The following C8orf48 variants were observed in gnomAD, a reference collection of about 807,000 sequenced individuals.
C8orf48 encodes uncharacterized protein C8orf48.
For missense variants in C8orf48, 580 were observed against 363.3 expected, an observed-to-expected ratio of 1.60 and a Z score of -4.85; for synonymous variants, 188 against 138.2, an observed-to-expected ratio of 1.36 and a Z score of -2.53.
At position 13,567,928 on chromosome 8, in the gene C8orf48, G is replaced by C. The variant is rs185450144; in HGVS notation, c.937G>C (p.Val313Leu). ...ACTTACTCTAATCAAACCAGAGCTG[G>C]TGATTGTTAATGATAATGTGTAATG... is the stretch of plus-strand genomic sequence containing the variant. ...KRLTLIKPEL[V>L]IVNDNV is the part of the protein sequence containing the mutation. The change falls in exon 1 of 1, where the codon GTG becomes CTG. Residue 313 changes from valine to leucine, a missense_variant. Transcript: ENST00000297324. 6.6e-5 allele frequency: 102 copies of C among 1,549,348 alleles called. No individual in the cohort carries two copies. The highest frequency in any genetic ancestry group is 8.7e-5 in the Non-Finnish European group (100 of 1,145,948).
Position 13,567,317 on chromosome 8 carries a change from C to A in C8orf48, c.326C>A (p.Thr109Lys). The change falls in exon 1 of 1, where the codon ACA (threonine) becomes AAA (lysine). Residue 109 changes from threonine to lysine, a missense_variant. Transcript: ENST00000297324. ...ERHQPDTKLP[T>K]EITRVSDEEL... ...CACCAACCAGACACCAAACTTCCAA[C>A]AGAAATCACTCGGGTATCAGATGAA... is the stretch of plus-strand genomic sequence containing the variant. 6.4e-7 allele frequency: 1 copy of A among 1,551,702 alleles called. No homozygotes were observed. Among genetic ancestry groups the A allele is most frequent in the Non-Finnish European group, 8.7e-7 (1 of 1,147,016 alleles).
rs1429012885 is a variant in C8orf48, at chr8:13,566,975, G to A, written c.-17G>A. ...ACCTGGGCAAAGGAGATGAGGAGCC[G>A]AGCCTGATGCATTGTGATGGCCATC... On this transcript the variant is annotated 5_prime_UTR_variant, in exon 1 of 1. Coordinates refer to ENST00000297324, the MANE Select transcript of C8orf48 (RefSeq NM_001007090.3). 2.0e-6 allele frequency: 3 copies of A among 1,529,864 alleles called. No homozygotes were observed. The highest frequency in any genetic ancestry group is 1.2e-5 in the South Asian group (1 of 80,826). 94.8% of individuals were successfully genotyped at this position (1,529,864 alleles called of 1,614,324 possible).
chr8:13,567,382 A>G lies in C8orf48; in HGVS notation c.391A>G (p.Asn131Asp), dbSNP rs1181007986. Residue 131 changes from asparagine (N) to aspartate (D), a missense_variant, in exon 1 of 1, where the codon AAT (asparagine) becomes GAT (aspartate). Physicochemically the swap from Asn to Asp is conservative, Grantham distance 23. Coordinates refer to ENST00000297324, the MANE Select transcript of C8orf48 (RefSeq NM_001007090.3). ...GCAGTCTTATTGCACCATGAAGATA[A>G]ATTTGATTCATCGTAGAGGGGATTC... ...ALQSYCTMKI[N>D]LIHRRGDSKK... 8 of 1,551,576 alleles carry G rather than the reference A, an allele frequency of 5.2e-6. No individual in the cohort carries two copies. The South Asian group carries it at 9.5e-5, about 18-fold the overall frequency.
rs1002396317 is a variant in C8orf48, at chr8:13,567,663, A to T, written c.672A>T (p.Ser224=). The change falls in exon 1 of 1, where the codon TCA becomes TCT. Residue 224 remains serine (S), a synonymous_variant. Coordinates refer to ENST00000297324, the MANE Select transcript of C8orf48 (RefSeq NM_001007090.3). The part of the protein sequence containing the change: ...FLKQKKTLLE[S]FLLQERIDEH... ...AACAAAAGAAGACTTTACTGGAGTC[A>T]TTTCTACTCCAAGAGAGAATAGATG... 3.2e-6 allele frequency: 5 copies of T among 1,551,840 alleles called. No homozygotes were observed. The highest frequency in any genetic ancestry group is 4.4e-6 in the Non-Finnish European group (5 of 1,147,010).
In C8orf48 at chr8:13,566,921, G is replaced by C; in HGVS notation, c.-71G>C. 2 of 1,461,836 alleles carry C rather than the reference G, an allele frequency of 1.4e-6. No homozygotes were observed. The highest frequency in any genetic ancestry group is 1.8e-6 in the Non-Finnish European group (2 of 1,104,804). The allele number at this position is 1,461,836 out of a possible 1,614,324, so 90.6% of individuals were successfully genotyped here. A position where few individuals can be genotyped will look rare whatever the true frequency, so the allele number is the denominator to read the frequency against. On this transcript the variant is annotated 5_prime_UTR_variant, in exon 1 of 1. Coordinates refer to ENST00000297324, the MANE Select transcript of C8orf48 (RefSeq NM_001007090.3). Reference sequence around the variant, plus strand: ...TTGAGATCCATTCCCGGAGGGGTCAGCTCCTGACGGGTTCCTGAGCCAGTC... The same window carrying C: ...TTGAGATCCATTCCCGGAGGGGTCACCTCCTGACGGGTTCCTGAGCCAGTC...
rs1459605518 is a variant in C8orf48, at chr8:13,568,164, C to A, written c.*213C>A. The stretch of plus-strand genomic sequence containing the variant: ...AAGAGAACTATGTTGGTAGTTTGGG[C>A]CAGGATGTTGATGGTACAGAAGCAA... On this transcript the variant is annotated 3_prime_UTR_variant, in exon 1 of 1. Transcript: ENST00000297324. 1 of 531,072 alleles carries A rather than the reference C, an allele frequency of 1.9e-6. No homozygotes were observed. The highest frequency in any genetic ancestry group is 3.3e-6 in the Non-Finnish European group (1 of 306,934). 32.9% of individuals were successfully genotyped at this position (531,072 alleles called of 1,614,324 possible). A position where few individuals can be genotyped will look rare whatever the true frequency, so the allele number is the denominator to read the frequency against.
chr8:13,567,967 T>A lies in C8orf48; in HGVS notation c.*16T>A, dbSNP rs1196830215. On this transcript the variant is annotated 3_prime_UTR_variant, in exon 1 of 1. Transcript: ENST00000297324. ...TAATGTGTAATGTGGATAGATGTCT[T>A]TGTTGTGTATTTGAGTAATTACCAT... 1 of 1,513,792 alleles carries A rather than the reference T, an allele frequency of 6.6e-7. No homozygotes were observed. The highest frequency in any genetic ancestry group is 2.5e-5 in the East Asian group (1 of 40,684). 93.8% of individuals were successfully genotyped at this position (1,513,792 alleles called of 1,614,324 possible).
Position 13,567,472 on chromosome 8 carries a change from A to C in C8orf48, c.481A>C (p.Arg161=), listed in dbSNP as rs983453912. The C allele has an allele frequency of 1.3e-6, 2 of 1,552,106 alleles. No homozygotes were observed. Residue 161 remains arginine, a synonymous_variant, in exon 1 of 1, where the codon AGA becomes CGA. Transcript: ENST00000297324. The part of the protein sequence containing the change: ...HLGLDVEASE[R]DAFSCTVPDE... ...TGGATTGGATGTAGAGGCTTCAGAG[A>C]GAGATGCCTTTAGTTGTACTGTACC...
In C8orf48 at chr8:13,568,256, G is replaced by A. The variant is rs772623411; in HGVS notation, c.*305G>A. 4.1e-6 allele frequency: 1 copy of A among 246,484 alleles called. No individual in the cohort carries two copies. Among genetic ancestry groups the A allele is most frequent in the South Asian group, 1.0e-4 (1 of 9,820 alleles). 15.3% of individuals were successfully genotyped at this position (246,484 alleles called of 1,614,324 possible). On this transcript the variant is annotated 3_prime_UTR_variant, in exon 1 of 1. Transcript: ENST00000297324. ...GTCTTTGGCGATCAAATGGCTATGG[G>A]GAATTAATAAATAGTAGATGTTTGA...
rs75464306 is a variant in C8orf48, at chr8:13,568,082, C to T, written c.*131C>T. 971 of 1,041,460 alleles carry T rather than the reference C, an allele frequency of 9.3e-4. 11 individuals carry two copies. In the East Asian group the frequency reaches 0.018, roughly 19 times the overall value. The allele number at this position is 1,041,460 out of a possible 1,614,324, so 64.5% of individuals were successfully genotyped here. On this transcript the variant is annotated 3_prime_UTR_variant, in exon 1 of 1. Coordinates refer to ENST00000297324, the MANE Select transcript of C8orf48 (RefSeq NM_001007090.3). The stretch of plus-strand genomic sequence containing the variant: ...ACTAAGAACTTTCACTTTTTTTTTC[C>T]TATTATAGAAGGCACTGTTGTAGTT...
Position 13,567,088 on chromosome 8 carries a change from C to A in C8orf48, c.97C>A (p.Gln33Lys). 6.4e-7 allele frequency: 1 copy of A among 1,551,760 alleles called. No individual in the cohort carries two copies. Among genetic ancestry groups the A allele is most frequent in the Non-Finnish European group, 8.7e-7 (1 of 1,147,004 alleles). ...TTTGAAGAACTCTACTGATGAGGTA[C>A]AGACTTCCAGCTCATTCAGCTCCTC... ...ETLKNSTDEV[Q>K]TSSSFSSSGG... The change falls in exon 1 of 1, where the codon CAG becomes AAG. Residue 33 changes from glutamine to lysine, a missense_variant. By Grantham distance (53) the Gln-to-Lys change is moderately conservative. Coordinates refer to ENST00000297324, the MANE Select transcript of C8orf48 (RefSeq NM_001007090.3).
Position 13,567,204 on chromosome 8 carries a change from T to A in C8orf48, c.213T>A (p.Ser71=), listed in dbSNP as rs1804471183. Reference sequence around the variant, plus strand: ...GCTTGGAACAAGGAGACACACAATCTGAGCTTTTGGACTATAAAAATTATG... The same window carrying A: ...GCTTGGAACAAGGAGACACACAATCAGAGCTTTTGGACTATAAAAATTATG... The part of the protein sequence containing the change: ...TPSLEQGDTQ[S]ELLDYKNYEK... Residue 71 remains serine (S), a synonymous_variant, in exon 1 of 1, where the codon TCT becomes TCA. Coordinates refer to ENST00000297324, the MANE Select transcript of C8orf48 (RefSeq NM_001007090.3). The A allele has an allele frequency of 6.4e-7, 1 of 1,551,746 alleles. No individual in the cohort carries two copies. The highest frequency in any genetic ancestry group is 2.4e-5 in the East Asian group (1 of 40,916).
rs187157511 is a variant in C8orf48 at position 13,567,647 on chromosome 8, A to C, written c.656A>C (p.Lys219Thr). The change falls in exon 1 of 1, where the codon AAG (lysine) becomes ACG (threonine). Residue 219 changes from lysine to threonine, a missense_variant. Transcript: ENST00000297324. The stretch of plus-strand genomic sequence containing the variant: ...CTGTCTGCCTTTCTGAAACAAAAGA[A>C]GACTTTACTGGAGTCATTTCTACTC... ...LALSAFLKQK[K>T]TLLESFLLQE... 881 of 1,551,694 alleles carry C rather than the reference A, an allele frequency of 5.7e-4. 2 individuals carry two copies. The highest frequency in any genetic ancestry group is 1.5e-3 in the Middle Eastern group (9 of 5,992).
chr8:13,567,807 A>T lies in C8orf48; in HGVS notation c.816A>T (p.Arg272Ser). The T allele has an allele frequency of 6.4e-7, 1 of 1,551,842 alleles. No homozygotes were observed. The highest frequency in any genetic ancestry group is 8.7e-7 in the Non-Finnish European group (1 of 1,147,038). The change falls in exon 1 of 1, where the codon AGA becomes AGT. Residue 272 changes from arginine to serine, a missense_variant. Physicochemically the swap from Arg to Ser is moderately radical, Grantham distance 110 (BLOSUM62 -1). Coordinates refer to ENST00000297324, the MANE Select transcript of C8orf48 (RefSeq NM_001007090.3). ...GACTGACTGAGAAAAGTCATATCAG[A>T]TACTCTGGTTTTGAAAGATCAGAGA... The part of the protein sequence containing the change: ...WKRLTEKSHI[R>S]YSGFERSETE...
Position 13,567,770 on chromosome 8 carries a change from T to A in C8orf48, c.779T>A (p.Ile260Lys), listed in dbSNP as rs558609269. Reference sequence around the variant, plus strand: ...CCCAGGCTTTCAGATGACCCCAGAATAATCTGGAAAAGACTGACTGAGAAA... The same window carrying A: ...CCCAGGCTTTCAGATGACCCCAGAAAAATCTGGAAAAGACTGACTGAGAAA... ...DFPRLSDDPR[I>K]IWKRLTEKSH... Residue 260 changes from isoleucine (I) to lysine (K), a missense_variant, in exon 1 of 1, where the codon ATA becomes AAA. Transcript: ENST00000297324. The A allele has an allele frequency of 1.7e-5, 27 of 1,551,982 alleles. No homozygotes were observed. In the East Asian group the frequency reaches 2.9e-4, roughly 17 times the overall value.
In C8orf48 at chr8:13,567,501, T is replaced by C. The variant is rs142608247; in HGVS notation, c.510T>C (p.Asp170=). 1.9e-5 allele frequency: 29 copies of C among 1,552,070 alleles called. No individual in the cohort carries two copies. In the South Asian group the frequency reaches 1.9e-4, roughly 10 times the overall value. ...ERDAFSCTVP[D]ELLNRIYFKN... The stretch of plus-strand genomic sequence containing the variant: ...ATGCCTTTAGTTGTACTGTACCCGA[T>C]GAACTTTTGAACAGAATCTACTTTA... Residue 170 remains aspartate, a synonymous_variant, in exon 1 of 1, where the codon GAT becomes GAC. Transcript: ENST00000297324.
At position 13,566,984 on chromosome 8, in the gene C8orf48, G is replaced by C; in HGVS notation, c.-8G>C. The C allele has an allele frequency of 6.5e-7, 1 of 1,538,920 alleles. No individual in the cohort carries two copies. Among genetic ancestry groups the C allele is most frequent in the Non-Finnish European group, 8.8e-7 (1 of 1,139,454 alleles). The stretch of plus-strand genomic sequence containing the variant: ...AAGGAGATGAGGAGCCGAGCCTGAT[G>C]CATTGTGATGGCCATCTGCCCAGAA... On this transcript the variant is annotated 5_prime_UTR_variant, in exon 1 of 1. An upstream start codon of the reference 5' UTR is lost. Coordinates refer to ENST00000297324, the MANE Select transcript of C8orf48 (RefSeq NM_001007090.3).
Position 13,567,479 on chromosome 8 carries a change from C to A in C8orf48, c.488C>A (p.Ala163Asp), listed in dbSNP as rs1014868589. The change falls in exon 1 of 1, where the codon GCC becomes GAC. Residue 163 changes from alanine (A) to aspartate (D), a missense_variant. Transcript: ENST00000297324. ...GATGTAGAGGCTTCAGAGAGAGATG[C>A]CTTTAGTTGTACTGTACCCGATGAA... ...GLDVEASERD[A>D]FSCTVPDELL... 6.4e-7 allele frequency: 1 copy of A among 1,552,048 alleles called. No individual in the cohort carries two copies. The highest frequency in any genetic ancestry group is 8.7e-7 in the Non-Finnish European group (1 of 1,147,076).
In C8orf48 at chr8:13,567,402, G is replaced by T; in HGVS notation, c.411G>T (p.Gly137=). 1 of 1,551,720 alleles carries T rather than the reference G, an allele frequency of 6.4e-7. No individual in the cohort carries two copies. The highest frequency in any genetic ancestry group is 1.2e-5 in the South Asian group (1 of 84,048). ...TMKINLIHRR[G]DSKKKTSSRH... ...AGATAAATTTGATTCATCGTAGAGG[G>T]GATTCTAAGAAGAAGACGAGCAGCA... Residue 137 remains glycine (G), a synonymous_variant, in exon 1 of 1, where the codon GGG becomes GGT. Coordinates refer to ENST00000297324, the MANE Select transcript of C8orf48 (RefSeq NM_001007090.3).
Sources: gnomAD v4.1 joint callset for allele counts on GRCh38, gnomAD v4.1.1 for gene constraint, MANE v1.5 for transcripts, NCBI Gene and HGNC (gene_info 2026-07-23, HGNC 2026-07-21) for gene names.